The following RGS3 variants were observed in gnomAD, a reference collection of about 807,000 sequenced individuals.
The protein encoded by RGS3 is regulator of G-protein signalling 3.
RGS3 carries 80 observed loss-of-function variants against 132.6 expected under a neutral mutation model. That is an observed-to-expected ratio of 0.60 (90% confidence interval 0.50 to 0.73). The LOEUF is 0.73. Among genes scored for constraint, RGS3 ranks in the 30% least tolerant of loss-of-function variants. The pLI is 0.00. For missense variants in RGS3, 1,382 were observed against 1,530.8 expected (o/e 0.90, Z 1.62); for synonymous variants, 598 against 620.6 (o/e 0.96, Z 0.54).
intron 18 of RGS3, among the ~76,000 whole-genome samples, chr9:113,534,865 C>G (rs757413506): frequency 1.3e-5 from 2 of 152,094 alleles, no homozygotes; most frequent in African/African-American, 4.8e-5. Flanking sequence ...GATCCTCCTG[C>G]CTTGGCCTCC....
exon 2 of RGS3, chr9:113,461,748 G>T: frequency 7.4e-6 from 12 of 1,614,078 alleles, no homozygotes; most frequent in Non-Finnish European, 1.0e-5. Flanking sequence ...TTTCTTTCTG[G>T]ATCTCACCGT....
At chr9:113,547,477 T>G (rs778872414) in intron 19 of RGS3, among the ~76,000 whole-genome samples, 1 of 152,164 alleles carries the variant, frequency 6.6e-6, no homozygotes. Context: ...ATCTTCCCCT[T>G]CCCTCCTTCC....
chr9:113,456,240 C>T (rs1267743496), upstream of RGS3, among the ~76,000 whole-genome samples: 1 of 152,144 alleles, frequency 6.6e-6, no homozygotes, highest in Admixed American at 6.6e-5. Context: ...TGCTCATGGC[C>T]TCACAGGGAA....
intron 18 of RGS3, among the ~76,000 whole-genome samples, chr9:113,535,806 T>C (rs1467666742): frequency 1.3e-5 from 2 of 152,106 alleles, no homozygotes; most frequent in East Asian, 3.9e-4. Context: ...ATAATCAAAT[T>C]CTAGTGGAGG....
intron 1 of RGS3, among the ~76,000 whole-genome samples, chr9:113,450,574 C>T (rs1829217388): frequency 6.6e-6 from 1 of 151,974 alleles, no homozygotes; most frequent in South Asian, 2.1e-4. Context: ...GCTGGTGTGT[C>T]AAGGCAGAGG....
intron 10 of RGS3, among the ~76,000 whole-genome samples, chr9:113,499,456 T>C (rs1830796508): frequency 6.6e-6 from 1 of 152,212 alleles, no homozygotes; most frequent in Admixed American, 6.5e-5. Context: ...CTTTTCAGTG[T>C]GCTGTGGCAC....
At chr9:113,520,920 A>G (rs1406002309) in intron 16 of RGS3, among the ~76,000 whole-genome samples, 2 of 152,044 alleles carry the variant, frequency 1.3e-5, no homozygotes, top group Non-Finnish European at 2.9e-5. Flanking sequence ...CTGTAAGCAC[A>G]TTGGTATCTC....
At chr9:113,514,412 C>T (rs1317376522) in intron 14 of RGS3, 46 bp from the exon 13 acceptor site, 2 of 1,553,222 alleles carry the variant, frequency 1.3e-6, no homozygotes, top group African/African-American at 2.7e-5. Flanking sequence ...GACACCTTTG[C>T]AGGAGTGACG....
chr9:113,508,640 G>C, intron 14 of RGS3, 60 bp downstream of exon 12: 1 of 1,576,202 alleles, frequency 6.3e-7, no homozygotes. Flanking sequence ...GGTCAGCTGA[G>C]GCCTGGCCCA....
At chr9:113,553,455 AAAAAATATAT>A (rs1331207178) in intron 19 of RGS3, among the ~76,000 whole-genome samples, 18 of 96,762 alleles carry the variant, frequency 1.9e-4, no homozygotes, top group African/African-American at 7.6e-4. Context: ...AAAAAAAAAA[AAAAAATATAT>A]ATATATATAT....
chr9:113,506,548 A>G lies in RGS3; in HGVS notation c.1085+55A>G, dbSNP rs1296611547. On this transcript the variant is annotated intron_variant, in intron 12 of 24. Transcript: ENST00000350696. The surrounding 1 kb of genome is among the most constrained non-coding windows in gnomAD (Gnocchi z 4.7). ...CTCAGGCTGATGGCACACCCTCCCCACCCCTGGGCACACTGCCTTGCCTGG... is the reference window on the plus strand; with the variant it reads ...CTCAGGCTGATGGCACACCCTCCCCGCCCCTGGGCACACTGCCTTGCCTGG... 1.4e-5 allele frequency: 16 copies of G among 1,176,762 alleles called. No homozygotes were observed. The highest frequency in any genetic ancestry group is 2.7e-4 in the Middle Eastern group (1 of 3,708). 72.9% of individuals were successfully genotyped at this position (1,176,762 alleles called of 1,614,324 possible).
chr9:113,568,555 G>A (rs1276334766), intron 19 of RGS3, among the ~76,000 whole-genome samples: 1 of 152,148 alleles, frequency 6.6e-6, no homozygotes. Flanking sequence ...AAAGTCAATG[G>A]TCAGGGCCAG....
intron 24 of RGS3, among the ~76,000 whole-genome samples, chr9:113,596,375 G>A (rs1305253761): frequency 1.3e-5 from 2 of 152,236 alleles, no homozygotes; most frequent in East Asian, 1.9e-4. Flanking sequence ...GGCACTATGC[G>A]CAAAGCACAT....
At chr9:113,553,492 GTA>G (rs1266106764) in intron 19 of RGS3, among the ~76,000 whole-genome samples, 1 of 82,982 alleles carries the variant, frequency 1.2e-5, no homozygotes, top group Non-Finnish European at 2.3e-5. Context: ...ATATATATAT[GTA>G]TATATAATAT....
chr9:113,551,734 T>A (rs1833349476), intron 19 of RGS3, among the ~76,000 whole-genome samples: 2 of 152,090 alleles, frequency 1.3e-5, no homozygotes, highest in African/African-American at 4.8e-5. Flanking sequence ...TGGCAGGCAC[T>A]TGTAGTACCA....
upstream of RGS3, among the ~76,000 whole-genome samples, chr9:113,457,228 T>C (rs1186510234): frequency 1.3e-5 from 2 of 152,226 alleles, no homozygotes; most frequent in African/African-American, 4.8e-5. Context: ...TTCTGGCCTT[T>C]ACATGTTTTG....
chr9:113,500,743 C>G (rs1033365123), intron 10 of RGS3, among the ~76,000 whole-genome samples: 1 of 150,482 alleles, frequency 6.6e-6, no homozygotes, highest in Non-Finnish European at 1.5e-5. Flanking sequence ...GCTGGAGTAC[C>G]GTGGCATGAT....
chr9:113,507,580 C>T lies in RGS3; in HGVS notation c.1379C>T (p.Ala460Val). The change falls in exon 13 of 25, where the codon GCC becomes GTC. Residue 460 changes from alanine (A) to valine (V), a missense_variant. Physicochemically the swap from Ala to Val is moderately conservative, Grantham distance 64 (BLOSUM62 0). Coordinates refer to ENST00000350696, the Ensembl canonical transcript of RGS3. This position sits in a 1 kb window ranked among gnomAD's most constrained non-coding sequence, Gnocchi z 5.0. ...CACACCCTGCCTGCACTGTCCCGTG[C>T]CACTGCCCCCACCGACCCCAACTAC... is the stretch of plus-strand genomic sequence containing the variant. 6.5e-7 allele frequency: 1 copy of T among 1,528,120 alleles called. No homozygotes were observed. The highest frequency in any genetic ancestry group is 8.8e-7 in the Non-Finnish European group (1 of 1,134,802). The allele number at this position is 1,528,120 out of a possible 1,614,324, so 94.7% of individuals were successfully genotyped here. A position where few individuals can be genotyped will look rare whatever the true frequency, so the allele number is the denominator to read the frequency against.
At chr9:113,480,101 G>A (rs1830112043) in intron 4 of RGS3, among the ~76,000 whole-genome samples, 1 of 152,194 alleles carries the variant, frequency 6.6e-6, no homozygotes, top group Non-Finnish European at 1.5e-5. Context: ...GTGAGTTACT[G>A]TTAGTAAAGT....
Sources: allele counts gnomAD v4.1 joint callset (sites outside exome capture counted in the v4.1 genomes callset), GRCh38; gene constraint gnomAD v4.1.1; non-coding constraint Gnocchi (gnomAD v3.1); transcripts MANE v1.5; gene names NCBI Gene and HGNC (gene_info 2026-07-23, HGNC 2026-07-21).